The following NEBL variants were observed in gnomAD, a reference collection of about 807,000 sequenced individuals.
NEBL encodes the protein LIM and SH3 protein 2.
A neutral mutation model predicts 140.2 loss-of-function variants in NEBL; 122 were observed. The observed-to-expected ratio is 0.87, with a 90% CI of 0.75 to 1.01. The LOEUF (loss-of-function observed/expected upper bound fraction) is 1.01, where lower values mean the gene tolerates loss of function less well. Among genes scored for constraint, NEBL ranks in the 50% least tolerant of loss-of-function variants. NEBL has a pLI of 0.00. For synonymous variants in NEBL, 436 were observed against 398.9 expected, an observed-to-expected ratio of 1.09 and a Z score of -1.11; for missense variants, 1,365 against 1,231.3, an observed-to-expected ratio of 1.11 and a Z score of -1.62.
chr10:20,946,432 G>GTGGC (rs1200963991), intron 4 of NEBL, among the ~76,000 whole-genome samples: 1 of 152,038 alleles, frequency 6.6e-6, no homozygotes, highest in African/African-American at 2.4e-5. Flanking sequence ...GAGTAGCTAC[G>GTGGC]TGGCTACCCA....
At chr10:21,204,953 T>A (rs1391060081) in intron 3 of NEBL, among the ~76,000 whole-genome samples, 3 of 152,162 alleles carry the variant, frequency 2.0e-5, no homozygotes, top group Non-Finnish European at 4.4e-5. Flanking sequence ...CCTGGCTGCC[T>A]AGCCTTGCAC....
chr10:21,246,298 T>G (rs1842515954), intron 3 of NEBL, among the ~76,000 whole-genome samples: 1 of 152,248 alleles, frequency 6.6e-6, no homozygotes, highest in African/African-American at 2.4e-5. Context: ...ATAGCCCCTC[T>G]GGGCAGTTCT....
intron 2 of NEBL, among the ~76,000 whole-genome samples, chr10:21,061,509 T>TCA (rs1312070791): frequency 7.4e-5 from 11 of 148,128 alleles, no homozygotes; most frequent in African/African-American, 2.7e-4. Flanking sequence ...ATATATTACA[T>TCA]TATATATTAT....
chr10:21,111,279 G>T (rs140703047), intron 2 of NEBL, among the ~76,000 whole-genome samples: 2,346 of 151,956 alleles, frequency 0.015, 44 homozygotes, highest in East Asian at 0.047. Context: ...AGAGCCCACA[G>T]AGCCAAGATA....
In NEBL at chr10:20,812,364, C is replaced by T. The variant is rs535697831; in HGVS notation, c.2518+405G>A. On this transcript the variant is annotated intron_variant, in intron 24 of 27. Coordinates refer to ENST00000377122, the MANE Select transcript of NEBL (RefSeq NM_006393.3). The stretch of plus-strand genomic sequence containing the variant: ...TACTTGAAGTTCTAGGGTACATGTG[C>T]ACAACATGCAGGTTTGTTACATACG... 1.2e-3 allele frequency among the ~76,000 whole-genome samples: 186 copies of T among 151,790 alleles called. 1 individual carries two copies. Among genetic ancestry groups the T allele is most frequent in the Non-Finnish European group, 5.4e-4 (37 of 68,004 alleles).
intron 4 of NEBL, among the ~76,000 whole-genome samples, chr10:20,921,607 C>T (rs1053810043): frequency 6.6e-6 from 1 of 152,160 alleles, no homozygotes; most frequent in Non-Finnish European, 1.5e-5. Context: ...TCCTGAATCT[C>T]GGGGCACCTC....
At chr10:20,943,136 A>G (rs544249588) in intron 4 of NEBL, among the ~76,000 whole-genome samples, 1 of 152,366 alleles carries the variant, frequency 6.6e-6, no homozygotes, top group South Asian at 2.1e-4. Context: ...AGACACATGC[A>G]CACGTATGTT....
At chr10:21,258,279 G>A (rs1842689500) in intron 1 of NEBL, among the ~76,000 whole-genome samples, 1 of 152,174 alleles carries the variant, frequency 6.6e-6, no homozygotes, top group Non-Finnish European at 1.5e-5. Flanking sequence ...ATAGAAAACA[G>A]AGGTTGAGGC....
intron 4 of NEBL, among the ~76,000 whole-genome samples, chr10:20,924,426 A>AAAAAAAAAAAAAAT (rs1833768729): frequency 6.6e-6 from 1 of 150,544 alleles, no homozygotes; most frequent in Non-Finnish European, 1.5e-5. Flanking sequence ...AAAAAAAAAA[A>AAAAAAAAAAAAAAT]AAAAAAAAAA....
intron 7 of NEBL, among the ~76,000 whole-genome samples, chr10:20,860,609 C>CCCCCTTTAA (rs1295293712): frequency 2.1e-5 from 3 of 140,962 alleles, no homozygotes; most frequent in African/African-American, 7.7e-5. Context: ...ACATGTCATA[C>CCCCCTTTAA]CCCCTTTAAC....
chr10:20,868,726 G>C lies in NEBL; in HGVS notation c.622C>G (p.Pro208Ala), dbSNP rs1347946769. ...KKGQGIMNKE[P>A]AVIGRPDFEH... ...AAATCTGGTCTTCCAATTACAGCGG[G>C]CTCTTTATTCATTATTCCTTGTCCT... The change falls in exon 7 of 28, where the codon CCC becomes GCC. Residue 208 changes from proline (P) to alanine (A), a missense_variant. By Grantham distance (27) the Pro-to-Ala change is conservative (BLOSUM62 -1). Around this residue, in one of 2 missense-constraint regions of NEBL, gnomAD observed 1,323 missense variants for 1,154.8 expected, o/e 1.15. Coordinates refer to ENST00000377122, the MANE Select transcript of NEBL (RefSeq NM_006393.3). 1.2e-6 allele frequency: 2 copies of C among 1,612,436 alleles called. No homozygotes were observed. Among genetic ancestry groups the C allele is most frequent in the East Asian group, 4.5e-5 (2 of 44,804 alleles).
In NEBL at chr10:21,151,431, C is replaced by G. The variant is rs79410742; in HGVS notation, c.164+20952G>C. ...GGATATCATTACAGTAAATATGTGA[C>G]TGTCCCTTTAGCACAAGCGCACACA... On this transcript the variant is annotated intron_variant, in intron 2 of 6. Coordinates refer to the NEBL transcript ENST00000417816. Among the ~76,000 whole-genome samples the G allele has an allele frequency of 7.0e-4, 106 of 152,340 alleles. No homozygotes were observed. In the East Asian group the frequency reaches 7.9e-3, roughly 11 times the overall value.
At chr10:20,788,416 G>A (rs530149408) in intron 26 of NEBL, among the ~76,000 whole-genome samples, 1 of 152,188 alleles carries the variant, frequency 6.6e-6, no homozygotes, top group Admixed American at 6.5e-5. Flanking sequence ...ATTTAATTCT[G>A]AGTGTTATGA....
At chr10:21,151,410 A>G (rs891023440) in intron 2 of NEBL, among the ~76,000 whole-genome samples, 28 of 152,226 alleles carry the variant, frequency 1.8e-4, no homozygotes, top group African/African-American at 6.3e-4. Context: ...CCAATGGGAT[A>G]TCATTACAGT....
rs5783757 is a variant in NEBL at position 20,947,681 on chromosome 10, TCACACACACA to T, written c.357+13981_357+13990del. 1.2e-4 allele frequency among the ~76,000 whole-genome samples: 18 copies of T among 144,282 alleles called. No individual in the cohort carries two copies. The South Asian group carries it at 2.9e-3, about 24-fold the overall frequency. The allele number at this position is 144,282 out of a possible 152,430, so 94.7% of individuals were successfully genotyped here. ...AGCCATTGACATTTTTACTGAGAAATCACACACACACACACACACACACACACACACACAC... is the reference window on the plus strand; with the variant it reads ...AGCCATTGACATTTTTACTGAGAAATCACACACACACACACACACACACAC... On this transcript the variant is annotated intron_variant, in intron 4 of 6. Coordinates refer to the NEBL transcript ENST00000417816.
intron 2 of NEBL, among the ~76,000 whole-genome samples, chr10:21,106,373 G>C (rs1413031691): frequency 6.6e-6 from 1 of 152,088 alleles, no homozygotes; most frequent in African/African-American, 2.4e-5. Context: ...TATGGTGTAA[G>C]GAAGGGATCC....
rs569997325 is a variant in NEBL at position 20,906,306 on chromosome 10, T to C, written c.357+55366A>G. ...TTAAGCATCAAGTTACTAACACCTA[T>C]GTTCACTGAGGAATCCTTCTTCCTG... On this transcript the variant is annotated intron_variant, in intron 4 of 6. Coordinates refer to the NEBL transcript ENST00000417816. Among the ~76,000 whole-genome samples the C allele has an allele frequency of 6.6e-5, 10 of 152,260 alleles. No homozygotes were observed. In the South Asian group the frequency reaches 1.5e-3, roughly 22 times the overall value.
chr10:20,810,099 T>C (rs1228140875), intron 24 of NEBL, among the ~76,000 whole-genome samples: 1 of 152,172 alleles, frequency 6.6e-6, no homozygotes, highest in Non-Finnish European at 1.5e-5. Flanking sequence ...AAGTATCTGT[T>C]AAGAAATCTT....
intron 3 of NEBL, among the ~76,000 whole-genome samples, chr10:21,209,288 G>A (rs539218560): frequency 2.0e-5 from 3 of 152,184 alleles, no homozygotes; most frequent in Non-Finnish European, 4.4e-5. Context: ...ACCTAGGGAA[G>A]GGTTGCCAGA....
Sources: allele counts gnomAD v4.1 joint callset (sites outside exome capture counted in the v4.1 genomes callset), GRCh38; gene constraint gnomAD v4.1.1; regional missense constraint gnomAD v4.1.1; transcripts MANE v1.5; gene names NCBI Gene and HGNC (gene_info 2026-07-23, HGNC 2026-07-21).